The following CHSY3 variants were observed in gnomAD, a reference collection of about 807,000 sequenced individuals.
CHSY3 encodes N-acetylgalactosaminyl-proteoglycan 3-beta-glucuronosyltransferase 3.
Under a neutral mutation model 67.2 loss-of-function variants are expected in CHSY3, and 35 were observed. That is an observed-to-expected ratio of 0.52 (90% confidence interval 0.40 to 0.69). The LOEUF is 0.69. Among genes scored for constraint, CHSY3 ranks in the 30% least tolerant of loss-of-function variants. The pLI is 0.00. For missense variants in CHSY3, 1,069 were observed against 1,138.5 expected, an observed-to-expected ratio of 0.94 and a Z score of 0.88; for synonymous variants, 474 against 434.7, an observed-to-expected ratio of 1.09 and a Z score of -1.12.
intron 2 of CHSY3, among the ~76,000 whole-genome samples, chr5:130,048,795 A>C (rs540010207): frequency 6.6e-6 from 1 of 152,192 alleles, no homozygotes; most frequent in South Asian, 2.1e-4. Context: ...ATATTAAGAA[A>C]GCAGAGGGTA....
At chr5:130,037,294 A>G (rs1252773211) in intron 2 of CHSY3, among the ~76,000 whole-genome samples, 2 of 152,086 alleles carry the variant, frequency 1.3e-5, no homozygotes, top group African/African-American at 4.8e-5. Flanking sequence ...CAAGTGATAC[A>G]TCTTAGAAAG....
chr5:130,025,093 T>C (rs1174242240), intron 2 of CHSY3, among the ~76,000 whole-genome samples: 1 of 150,828 alleles, frequency 6.6e-6, no homozygotes, highest in Non-Finnish European at 1.5e-5. Context: ...TTCTCCACTA[T>C]GTAAAACTTA....
In CHSY3 at chr5:129,944,026, C is replaced by A. The variant is rs142799712; in HGVS notation, c.1086+35666C>A. ...ATGGCAGCTCTTTTATGGTTTGTAT[C>A]AAATTTAGAGCTTCCACTTGGAAAG... On this transcript the variant is annotated intron_variant, in intron 2 of 2. Coordinates refer to ENST00000305031, the MANE Select transcript of CHSY3 (RefSeq NM_175856.5). Among the ~76,000 whole-genome samples the A allele has an allele frequency of 4.5e-4, 69 of 152,256 alleles. 3 individuals carry two copies. The East Asian group carries it at 0.013, about 28-fold the overall frequency.
chr5:130,129,117 G>C (rs976817331), intron 2 of CHSY3, among the ~76,000 whole-genome samples: 2 of 151,998 alleles, frequency 1.3e-5, no homozygotes, highest in Non-Finnish European at 2.9e-5. Flanking sequence ...AAGATAATCA[G>C]CACCAATTTG....
chr5:130,036,347 C>A (rs1764863065), intron 2 of CHSY3, among the ~76,000 whole-genome samples: 1 of 152,090 alleles, frequency 6.6e-6, no homozygotes, highest in African/African-American at 2.4e-5. Context: ...CCTAGTATAT[C>A]TCTTCCATAA....
rs1237421975 is a variant in CHSY3 at position 130,164,676 on chromosome 5, ACCATT to A, written c.1087-19552_1087-19548del. Among the ~76,000 whole-genome samples, 55 of 152,276 alleles carry A rather than the reference ACCATT, an allele frequency of 3.6e-4. 1 individual carries two copies. The highest frequency in any genetic ancestry group is 2.8e-4 in the Non-Finnish European group (19 of 68,020). ...CTCTTCTCAGACAGCTCTGCCCTGC[ACCATT>A]TACAGGATGTCAGGCACTGGAGATA... On this transcript the variant is annotated intron_variant, in intron 2 of 2. Coordinates refer to ENST00000305031, the MANE Select transcript of CHSY3 (RefSeq NM_175856.5).
chr5:130,148,654 G>A (rs1266886415), intron 2 of CHSY3, among the ~76,000 whole-genome samples: 1 of 152,154 alleles, frequency 6.6e-6, no homozygotes, highest in Non-Finnish European at 1.5e-5. Flanking sequence ...CAGTGATGTT[G>A]TTGAGCTTTT....
intron 2 of CHSY3, among the ~76,000 whole-genome samples, chr5:130,017,111 C>G: frequency 6.6e-6 from 1 of 151,940 alleles, no homozygotes; most frequent in East Asian, 1.9e-4. Flanking sequence ...TATGAAGGTT[C>G]TACTTTTTAA....
intron 2 of CHSY3, among the ~76,000 whole-genome samples, chr5:130,181,039 A>G (rs534810236): frequency 2.0e-5 from 3 of 152,172 alleles, no homozygotes; most frequent in African/African-American, 7.2e-5. Flanking sequence ...TTTTGAGAAG[A>G]TTTTCCTAGA....
chr5:130,127,927 A>G (rs1490603959), intron 2 of CHSY3, among the ~76,000 whole-genome samples: 1 of 152,182 alleles, frequency 6.6e-6, no homozygotes, highest in Non-Finnish European at 1.5e-5. Flanking sequence ...CTTATCAACC[A>G]AGTAAGGAAG....
At chr5:130,175,108 C>T (rs1198973235) in intron 2 of CHSY3, among the ~76,000 whole-genome samples, 1 of 152,084 alleles carries the variant, frequency 6.6e-6, no homozygotes, top group Non-Finnish European at 1.5e-5. Flanking sequence ...ATAGTTAGCT[C>T]TTCTTGTTTC....
At chr5:129,981,699 T>A (rs1453296475) in intron 2 of CHSY3, among the ~76,000 whole-genome samples, 2 of 151,996 alleles carry the variant, frequency 1.3e-5, no homozygotes, top group African/African-American at 4.8e-5. Context: ...GTATACTTTT[T>A]ATTTTCTTGT....
chr5:129,997,791 A>G (rs1002614281), intron 2 of CHSY3, among the ~76,000 whole-genome samples: 5 of 152,022 alleles, frequency 3.3e-5, no homozygotes, highest in African/African-American at 1.2e-4. Flanking sequence ...GTTTGCTGAG[A>G]ATGATGGTTT....
chr5:129,983,194 C>T (rs4348246), intron 2 of CHSY3, among the ~76,000 whole-genome samples: 47,205 of 151,886 alleles, frequency 0.31, 7,732 homozygotes, highest in South Asian at 0.44. Context: ...TGCTTCACCT[C>T]TCTTCTCTTC....
rs1435127111 is a variant in CHSY3 at position 129,904,907 on chromosome 5, C to T, written c.78C>T (p.Leu26=). The stretch of plus-strand genomic sequence containing the variant: ...TGGGCTTCACCGCCGCGTCCTGGCT[C>T]ATCGCCCCCAGGGTGGCGGAGCTGA... ...LVLGFTAASW[L]IAPRVAELSE... The change falls in exon 1 of 3, where the codon CTC becomes CTT. Residue 26 remains leucine (L), a synonymous_variant. Transcript: ENST00000305031. 1.3e-6 allele frequency: 2 copies of T among 1,531,394 alleles called. No individual in the cohort carries two copies. Among genetic ancestry groups the T allele is most frequent in the Middle Eastern group, 1.9e-4 (1 of 5,232 alleles). 94.9% of individuals were successfully genotyped at this position (1,531,394 alleles called of 1,614,324 possible).
At chr5:129,938,535 G>A (rs950538497) in intron 2 of CHSY3, among the ~76,000 whole-genome samples, 1 of 152,164 alleles carries the variant, frequency 6.6e-6, no homozygotes, top group Non-Finnish European at 1.5e-5. Flanking sequence ...ATGCATATGA[G>A]CATATGCGGT....
intron 2 of CHSY3, among the ~76,000 whole-genome samples, chr5:129,945,705 ATTTTTTATTCC>A (rs1761832841): frequency 6.6e-6 from 1 of 152,102 alleles, no homozygotes; most frequent in Non-Finnish European, 1.5e-5. Context: ...TTTCTCACTT[ATTTTTTATTCC>A]CCACAGTATT....
chr5:130,143,800 A>G lies in CHSY3; in HGVS notation c.1087-40429A>G, dbSNP rs1192852559. ...TATATATGTGTATATATATATATAT[A>G]TATATGTGTGTATATATATATATAT... On this transcript the variant is annotated intron_variant, in intron 2 of 2. Transcript: ENST00000305031. Among the ~76,000 whole-genome samples, 75 of 79,376 alleles carry G rather than the reference A, an allele frequency of 9.4e-4. 2 individuals carry two copies. Among genetic ancestry groups the G allele is most frequent in the African/African-American group, 4.5e-3 (69 of 15,264 alleles). 52.1% of individuals were successfully genotyped at this position (79,376 alleles called of 152,430 possible).
rs147929699 is a variant in CHSY3 at position 130,159,826 on chromosome 5, A to G, written c.1087-24403A>G. ...GTGATCACTGTAAATTAGCCAAGAA[A>G]TGCATCCAAGGCAATCAGTTACTGA... On this transcript the variant is annotated intron_variant, in intron 2 of 2. Coordinates refer to ENST00000305031, the MANE Select transcript of CHSY3 (RefSeq NM_175856.5). Among the ~76,000 whole-genome samples the G allele has an allele frequency of 1.7e-3, 257 of 152,344 alleles. 1 individual carries two copies. Among genetic ancestry groups the G allele is most frequent in the African/African-American group, 5.9e-3 (247 of 41,590 alleles).
Sources: gnomAD v4.1 joint callset for allele counts (sites outside exome capture counted in the v4.1 genomes callset) on GRCh38, gnomAD v4.1.1 for gene constraint, MANE v1.5 for transcripts, NCBI Gene and HGNC (gene_info 2026-07-23, HGNC 2026-07-21) for gene names.